The following EPHA6 variants were observed in gnomAD, a reference collection of about 807,000 sequenced individuals.
The protein encoded by EPHA6 is ephrin type-A receptor 6.
In EPHA6, 50 loss-of-function variants were observed where a neutral mutation model predicts 112.0. The observed-to-expected ratio is 0.45, with a 90% CI of 0.36 to 0.56. The LOEUF (loss-of-function observed/expected upper bound fraction) is 0.56, where lower values mean the gene tolerates loss of function less well. Among genes scored for constraint, EPHA6 ranks in the 20% least tolerant of loss-of-function variants. The probability of loss-of-function intolerance (pLI) is 0.00; values close to 1 mark genes in which losing one functional copy is unlikely to be tolerated. For missense variants in EPHA6, 1,280 were observed against 1,417.4 expected (o/e 0.90, Z 1.56); for synonymous variants, 529 against 490.7 (o/e 1.08, Z -1.03).
rs576822202 is a variant in EPHA6 at position 96,985,245 on chromosome 3, A to G, written c.451-2085A>G. Among the ~76,000 whole-genome samples, 6 of 152,316 alleles carry G rather than the reference A, an allele frequency of 3.9e-5. No homozygotes were observed. The East Asian group carries it at 1.2e-3, about 29-fold the overall frequency. On this transcript the variant is annotated intron_variant, in intron 2 of 17. Coordinates refer to ENST00000389672, the MANE Select transcript of EPHA6 (RefSeq NM_001080448.3). The stretch of plus-strand genomic sequence containing the variant: ...TATATGGGAGAGTAAAGGATGTAGT[A>G]TAGACATTAATAATAATGTATATGC...
chr3:97,473,950 A>G (rs909770772), intron 7 of EPHA6, among the ~76,000 whole-genome samples: 1 of 151,922 alleles, frequency 6.6e-6, no homozygotes, highest in Admixed American at 6.6e-5. Flanking sequence ...AAGATTTAAT[A>G]CATTTCTCTT....
chr3:97,405,838 G>A (rs1158056618), intron 6 of EPHA6, among the ~76,000 whole-genome samples: 1 of 151,870 alleles, frequency 6.6e-6, no homozygotes, highest in Admixed American at 6.6e-5. Context: ...TTATAATAAT[G>A]GAACCCTTAT....
intron 3 of EPHA6, among the ~76,000 whole-genome samples, chr3:97,067,703 A>G (rs1242010435): frequency 6.6e-6 from 1 of 152,066 alleles, no homozygotes; most frequent in Non-Finnish European, 1.5e-5. Flanking sequence ...GGGTAGAATG[A>G]GGAACAAGAA....
intron 3 of EPHA6, among the ~76,000 whole-genome samples, chr3:97,061,893 CA>C (rs772004952): frequency 2.0e-5 from 3 of 152,056 alleles, no homozygotes; most frequent in Non-Finnish European, 2.9e-5. Flanking sequence ...AAGAGGCTCC[CA>C]ATTTAGTTGG....
chr3:96,830,150 T>A (rs1416645540), intron 1 of EPHA6, among the ~76,000 whole-genome samples: 1 of 152,142 alleles, frequency 6.6e-6, no homozygotes, highest in African/African-American at 2.4e-5. Context: ...CAGGTCATAT[T>A]ACATTAAGTA....
intron 3 of EPHA6, among the ~76,000 whole-genome samples, chr3:97,130,354 A>C (rs1033808159): frequency 6.7e-6 from 1 of 149,816 alleles, no homozygotes; most frequent in Non-Finnish European, 1.5e-5. Context: ...ATTCTTCTAC[A>C]TATGGTAGTT....
chr3:97,740,546 C>T (rs1428098830), intron 16 of EPHA6, among the ~76,000 whole-genome samples: 1 of 152,106 alleles, frequency 6.6e-6, no homozygotes, highest in Admixed American at 6.6e-5. Context: ...CTGCAACTAC[C>T]AGCTTCTGTA....
intron 1 of EPHA6, among the ~76,000 whole-genome samples, chr3:96,825,583 G>A (rs1205313011): frequency 6.6e-6 from 1 of 151,632 alleles, no homozygotes; most frequent in African/African-American, 2.4e-5. Context: ...GGAATTGCTG[G>A]TGTTCTTTAA....
At chr3:97,182,509 TA>T (rs2077017459) in intron 3 of EPHA6, among the ~76,000 whole-genome samples, 1 of 151,984 alleles carries the variant, frequency 6.6e-6, no homozygotes, top group Non-Finnish European at 1.5e-5. Context: ...TCAGAAACTA[TA>T]AATTTTTTAT....
chr3:97,204,553 C>A (rs1294153314), intron 3 of EPHA6, among the ~76,000 whole-genome samples: 1 of 152,110 alleles, frequency 6.6e-6, no homozygotes, highest in Non-Finnish European at 1.5e-5. Flanking sequence ...AAGGTCTCTG[C>A]CCCTAAATGC....
intron 5 of EPHA6, among the ~76,000 whole-genome samples, chr3:97,378,942 G>A (rs935182536): frequency 6.6e-6 from 1 of 152,098 alleles, no homozygotes; most frequent in African/African-American, 2.4e-5. Flanking sequence ...AGACTTTGGG[G>A]GACAGTTAGG....
At chr3:97,325,158 G>A (rs1219429808) in intron 5 of EPHA6, among the ~76,000 whole-genome samples, 3 of 152,030 alleles carry the variant, frequency 2.0e-5, no homozygotes, top group Non-Finnish European at 4.4e-5. Flanking sequence ...TAATAATATA[G>A]GGCTTTCATG....
intron 13 of EPHA6, among the ~76,000 whole-genome samples, chr3:97,629,166 G>A (rs1322156371): frequency 1.3e-5 from 2 of 151,898 alleles, no homozygotes; most frequent in East Asian, 3.9e-4. Context: ...GGCCTCAAAT[G>A]ATCCTCCTGC....
chr3:97,485,028 A>G lies in EPHA6; in HGVS notation c.2200+969A>G, dbSNP rs1381092204. ...CCATGCATGCAGCTAAAATGCATAC[A>G]TTTATGCAGGGGGGCTGTTTTCCTA... On this transcript the variant is annotated intron_variant, in intron 10 of 17. Transcript: ENST00000389672. 2.6e-5 allele frequency among the ~76,000 whole-genome samples: 4 copies of G among 152,226 alleles called. No individual in the cohort carries two copies. In the East Asian group the frequency reaches 7.7e-4, roughly 29 times the overall value.
At chr3:96,834,330 G>A (rs1347894873) in intron 1 of EPHA6, among the ~76,000 whole-genome samples, 1 of 151,932 alleles carries the variant, frequency 6.6e-6, no homozygotes, top group Non-Finnish European at 1.5e-5. Flanking sequence ...CATTAAAATA[G>A]GTAGCTGGAG....
intron 11 of EPHA6, chr3:97,590,336 A>T (rs571026200): frequency 6.6e-6 from 1 of 152,316 alleles, no homozygotes; most frequent in East Asian, 1.9e-4. Flanking sequence ...GGAAAATGAA[A>T]GCTGCTATTA....
At chr3:97,182,911 T>G (rs918010395) in intron 3 of EPHA6, among the ~76,000 whole-genome samples, 2 of 152,098 alleles carry the variant, frequency 1.3e-5, no homozygotes, top group East Asian at 3.9e-4. Flanking sequence ...CAAGAATAGA[T>G]AAAGACAAAA....
chr3:97,633,592 A>G (rs1481582379), intron 13 of EPHA6, among the ~76,000 whole-genome samples: 1 of 152,142 alleles, frequency 6.6e-6, no homozygotes, highest in African/African-American at 2.4e-5. Context: ...GAACTGCTAC[A>G]TAAAGGGATA....
intron 12 of EPHA6, among the ~76,000 whole-genome samples, chr3:97,607,159 T>C (rs1218104862): frequency 2.0e-5 from 3 of 149,294 alleles, no homozygotes; most frequent in African/African-American, 7.4e-5. Context: ...TGTTATCCTC[T>C]TTTTTTCACA....
Sources: gnomAD v4.1 joint callset for allele counts (sites outside exome capture counted in the v4.1 genomes callset) on GRCh38, gnomAD v4.1.1 for gene constraint, MANE v1.5 for transcripts, NCBI Gene and HGNC (gene_info 2026-07-23, HGNC 2026-07-21) for gene names.